GBE1: variants seen among roughly 807,000 people sequenced by gnomAD.
GBE1 encodes the protein 1,4-alpha-glucan branching enzyme 1.
Under a neutral mutation model 88.8 loss-of-function variants are expected in GBE1, and 70 were observed. That is an observed-to-expected ratio of 0.79 (90% confidence interval 0.65 to 0.96). The LOEUF is 0.96. GBE1 is among the 40% of genes least tolerant of loss of function. The pLI is 0.00. For missense variants in GBE1, 872 were observed against 871.0 expected (o/e 1.00, Z -0.01); for synonymous variants, 284 against 300.1 (o/e 0.95, Z 0.56).
At chr3:81,720,854 T>G (rs1012868028) in intron 1 of GBE1, among the ~76,000 whole-genome samples, 1 of 147,990 alleles carries the variant, frequency 6.8e-6, no homozygotes, top group Non-Finnish European at 1.5e-5. Context: ...ATATACACCA[T>G]GGAATACTAT....
intron 2 of GBE1, among the ~76,000 whole-genome samples, chr3:81,702,145 G>A (rs550017040): frequency 8.2e-4 from 111 of 134,762 alleles, no homozygotes; most frequent in Non-Finnish European, 1.4e-3. Context: ...GTGTGTGTGT[G>A]TGTGTGTGTG....
intron 12 of GBE1, among the ~76,000 whole-genome samples, chr3:81,566,023 A>G (rs984283304): frequency 6.6e-6 from 1 of 152,198 alleles, no homozygotes; most frequent in African/African-American, 2.4e-5. Flanking sequence ...CAGCAGCCCC[A>G]TTCGGGTTTG....
At chr3:81,574,468 A>G (rs961474502) in intron 12 of GBE1, among the ~76,000 whole-genome samples, 5 of 152,204 alleles carry the variant, frequency 3.3e-5, no homozygotes, top group Admixed American at 1.3e-4. Flanking sequence ...TCTTACCCAG[A>G]TCACACAGCC....
intron 12 of GBE1, among the ~76,000 whole-genome samples, chr3:81,548,817 G>A (rs1703239284): frequency 1.3e-5 from 2 of 150,710 alleles, no homozygotes; most frequent in African/African-American, 4.8e-5. Context: ...TAACTGCATG[G>A]ACTAAACTAA....
intron 12 of GBE1, among the ~76,000 whole-genome samples, chr3:81,561,765 C>T (rs2106910382): frequency 6.6e-6 from 1 of 152,152 alleles, no homozygotes; most frequent in South Asian, 2.1e-4. Context: ...ACGACCTGGC[C>T]TCTGCTTCTA....
At chr3:81,558,197 C>A (rs1027084115) in intron 12 of GBE1, among the ~76,000 whole-genome samples, 1 of 151,836 alleles carries the variant, frequency 6.6e-6, no homozygotes, top group South Asian at 2.1e-4. Flanking sequence ...TATAGTTTCT[C>A]AGGTTCATTT....
chr3:81,630,846 G>T (rs1370871603), intron 7 of GBE1, among the ~76,000 whole-genome samples: 4 of 152,140 alleles, frequency 2.6e-5, no homozygotes, highest in Non-Finnish European at 5.9e-5. Flanking sequence ...ATAGAAAATA[G>T]CTTAAAATCC....
chr3:81,581,038 T>A (rs920524199), intron 11 of GBE1, 127 bp downstream of exon 11: 4 of 599,958 alleles, frequency 6.7e-6, no homozygotes, highest in Non-Finnish European at 1.2e-5. Flanking sequence ...CACACACACA[T>A]ACACACATTA....
intron 1 of GBE1, among the ~76,000 whole-genome samples, chr3:81,750,729 G>A (rs1461304920): frequency 2.4e-4 from 33 of 135,674 alleles, no homozygotes; most frequent in African/African-American, 9.4e-4. Context: ...CGCCCAGGCT[G>A]GAATACAGTG....
At chr3:81,690,652 A>G (rs1705506798) in intron 2 of GBE1, among the ~76,000 whole-genome samples, 1 of 152,194 alleles carries the variant, frequency 6.6e-6, no homozygotes, top group African/African-American at 2.4e-5. Flanking sequence ...CCATTCCATA[A>G]CAGCATCGTC....
chr3:81,748,735 C>T (rs753913495), intron 1 of GBE1, among the ~76,000 whole-genome samples: 24 of 150,338 alleles, frequency 1.6e-4, no homozygotes, highest in Non-Finnish European at 2.4e-4. Flanking sequence ...GGAGGCCGGG[C>T]GCAGTGGCTC....
At chr3:81,737,167 G>C (rs1273485410) in intron 1 of GBE1, among the ~76,000 whole-genome samples, 1 of 150,338 alleles carries the variant, frequency 6.7e-6, no homozygotes, top group Non-Finnish European at 1.5e-5. Context: ...GAGAGAGATG[G>C]TAATCTCCAC....
At chr3:81,573,896 C>T (rs1703609330) in intron 12 of GBE1, among the ~76,000 whole-genome samples, 1 of 151,962 alleles carries the variant, frequency 6.6e-6, no homozygotes, top group Non-Finnish European at 1.5e-5. Context: ...ACAAAGGAAA[C>T]AGTCAATTCA....
intron 12 of GBE1, among the ~76,000 whole-genome samples, chr3:81,537,748 T>A (rs1359287515): frequency 6.6e-6 from 1 of 152,010 alleles, no homozygotes; most frequent in Admixed American, 6.6e-5. Flanking sequence ...TATTTCTTTT[T>A]CAGATCTATT....
At chr3:81,529,271 T>G (rs969122774) in intron 14 of GBE1, among the ~76,000 whole-genome samples, 1 of 152,006 alleles carries the variant, frequency 6.6e-6, no homozygotes, top group East Asian at 1.9e-4. Flanking sequence ...CTTGCCAGCA[T>G]TTTAACTTTT....
At chr3:81,532,101 G>C (rs1202898307) in intron 14 of GBE1, among the ~76,000 whole-genome samples, 1 of 151,842 alleles carries the variant, frequency 6.6e-6, no homozygotes, top group Non-Finnish European at 1.5e-5. Context: ...AAGGGGTGGG[G>C]GAGGGTTGGT....
At chr3:81,623,212 A>G (rs903732331) in intron 7 of GBE1, among the ~76,000 whole-genome samples, 1 of 152,092 alleles carries the variant, frequency 6.6e-6, no homozygotes, top group African/African-American at 2.4e-5. Context: ...ATTCTCCCTC[A>G]CTTACCAATC....
At chr3:81,735,295 G>C (rs1388242797) in intron 1 of GBE1, among the ~76,000 whole-genome samples, 1 of 152,190 alleles carries the variant, frequency 6.6e-6, no homozygotes, top group Admixed American at 6.5e-5. Flanking sequence ...TCTCCACTGA[G>C]ATTGAAGTCT....
chr3:81,700,167 A>G (rs1446796940), intron 2 of GBE1, among the ~76,000 whole-genome samples: 1 of 152,200 alleles, frequency 6.6e-6, no homozygotes, highest in Admixed American at 6.5e-5. Context: ...TAAGCCATCA[A>G]AATGTTGGAG....
Sources: allele counts gnomAD v4.1 joint callset (sites outside exome capture counted in the v4.1 genomes callset), GRCh38; gene constraint gnomAD v4.1.1; transcripts MANE v1.5; gene names NCBI Gene and HGNC (gene_info 2026-07-23, HGNC 2026-07-21).